Variants in SCAPER observed in about 807,000 individuals in gnomAD.
The protein encoded by SCAPER is S-phase cyclin A associated protein in the ER, also known as S phase cyclin A-associated protein in the endoplasmic reticulum.
SCAPER carries 98 observed loss-of-function variants against 182.2 expected under a neutral mutation model. The observed-to-expected ratio is 0.54, with a 90% CI of 0.46 to 0.64. The LOEUF (loss-of-function observed/expected upper bound fraction) is 0.64, where lower values mean the gene tolerates loss of function less well. Ranked by LOEUF, SCAPER falls within the 30% of genes least tolerant of loss-of-function variation. The probability of loss-of-function intolerance (pLI) is 0.00; values close to 1 mark genes in which losing one functional copy is unlikely to be tolerated. For synonymous variants in SCAPER, 605 were observed against 564.6 expected, an observed-to-expected ratio of 1.07 and a Z score of -1.01; for missense variants, 1,432 against 1,690.0, an observed-to-expected ratio of 0.85 and a Z score of 2.68.
At position 76,489,275 on chromosome 15, in the gene SCAPER, A is replaced by G. The variant is rs116526794; in HGVS notation, c.2954+15584T>C. 8.1e-3 allele frequency among the ~76,000 whole-genome samples: 1,185 copies of G among 146,372 alleles called. 18 individuals carry two copies. Among genetic ancestry groups the G allele is most frequent in the African/African-American group, 0.028 (1,130 of 39,890 alleles). ...ATTACTTTTGCACCAACCTAATATT[A>G]TTTTTGCTCTTTTGCTATGTAATTT... On this transcript the variant is annotated intron_variant, in intron 24 of 31. Transcript: ENST00000563290.
chr15:76,799,057 C>CA (rs774710619), intron 7 of SCAPER, among the ~76,000 whole-genome samples: 52 of 151,882 alleles, frequency 3.4e-4, no homozygotes, highest in Non-Finnish European at 6.5e-4. Context: ...GAGACAATGG[C>CA]AAAAAACAGT....
chr15:76,356,709 C>T (rs1355795102), intron 29 of SCAPER, among the ~76,000 whole-genome samples: 1 of 152,208 alleles, frequency 6.6e-6, no homozygotes, highest in African/African-American at 2.4e-5. Context: ...CCACCTGCCT[C>T]ATCTTTCAGA....
chr15:76,413,822 T>G (rs2045469837), intron 26 of SCAPER, among the ~76,000 whole-genome samples: 1 of 152,160 alleles, frequency 6.6e-6, no homozygotes, highest in East Asian at 1.9e-4. Context: ...TAAGAAAAAC[T>G]GATGAGAACA....
chr15:76,650,927 T>C (rs2054981864), intron 21 of SCAPER, among the ~76,000 whole-genome samples: 1 of 151,928 alleles, frequency 6.6e-6, no homozygotes, highest in Non-Finnish European at 1.5e-5. Flanking sequence ...AATCAATAGG[T>C]CAAAGAAATT....
intron 20 of SCAPER, among the ~76,000 whole-genome samples, chr15:76,684,679 A>T (rs1243803123): frequency 6.6e-6 from 1 of 151,936 alleles, no homozygotes; most frequent in Non-Finnish European, 1.5e-5. Flanking sequence ...AACAGTATAA[A>T]AATAAATTTC....
chr15:76,879,232 T>C (rs2073378525), intron 2 of SCAPER, among the ~76,000 whole-genome samples: 1 of 152,216 alleles, frequency 6.6e-6, no homozygotes, highest in Non-Finnish European at 1.5e-5. Context: ...CCTGCCCCTC[T>C]ATAATGCACA....
intron 25 of SCAPER, among the ~76,000 whole-genome samples, chr15:76,443,151 C>T (rs1054792050): frequency 1.5e-4 from 23 of 152,172 alleles, no homozygotes; most frequent in African/African-American, 5.5e-4. Context: ...TTATCTAGTT[C>T]ATCCTCCCAA....
intron 1 of SCAPER, among the ~76,000 whole-genome samples, chr15:76,896,912 C>A (rs2074465494): frequency 6.6e-6 from 1 of 152,166 alleles, no homozygotes; most frequent in Non-Finnish European, 1.5e-5. Context: ...TTCTACTGCA[C>A]TCCAGCCTGG....
At chr15:76,573,257 T>C (rs1166819893) in intron 23 of SCAPER, among the ~76,000 whole-genome samples, 1 of 152,184 alleles carries the variant, frequency 6.6e-6, no homozygotes, top group East Asian at 1.9e-4. Flanking sequence ...TAAGAAAGGA[T>C]CATATTGGGA....
chr15:76,807,538 C>CT (rs922584100), intron 5 of SCAPER, among the ~76,000 whole-genome samples: 27 of 151,394 alleles, frequency 1.8e-4, no homozygotes, highest in Middle Eastern at 3.4e-3. Context: ...TTATTTTTTA[C>CT]TTTTTTTATT....
chr15:76,351,068 G>T, intron 31 of SCAPER, 169 bp downstream of exon 31: 1 of 530,562 alleles, frequency 1.9e-6, no homozygotes, highest in Non-Finnish European at 3.3e-6. Context: ...CATGCTTCAT[G>T]ACAAAATCGA....
chr15:76,607,392 C>A (rs548861886), intron 22 of SCAPER, among the ~76,000 whole-genome samples: 3 of 152,196 alleles, frequency 2.0e-5, no homozygotes, highest in African/African-American at 4.8e-5. Context: ...ATCAGCTGTT[C>A]ATCTGATGGG....
At chr15:76,671,338 T>C (rs1050348491) in intron 20 of SCAPER, among the ~76,000 whole-genome samples, 22 of 151,828 alleles carry the variant, frequency 1.4e-4, no homozygotes, top group Admixed American at 2.0e-4. Context: ...AAAAGAAAAT[T>C]CTGAGAAGAT....
intron 2 of SCAPER, among the ~76,000 whole-genome samples, chr15:76,879,292 T>C (rs2067758883): frequency 6.6e-6 from 1 of 152,188 alleles, no homozygotes; most frequent in African/African-American, 2.4e-5. Flanking sequence ...CCTTTCCTAA[T>C]AGTTCAATTT....
chr15:76,683,237 C>T (rs938478727), intron 20 of SCAPER, among the ~76,000 whole-genome samples: 1 of 152,058 alleles, frequency 6.6e-6, no homozygotes, highest in African/African-American at 2.4e-5. Context: ...CTGAAAAACT[C>T]ACTTCGAGAA....
At chr15:76,900,074 C>T (rs1266600538) in intron 1 of SCAPER, among the ~76,000 whole-genome samples, 8 of 152,146 alleles carry the variant, frequency 5.3e-5, no homozygotes, top group Non-Finnish European at 1.2e-4. Flanking sequence ...TGTGCTGTGT[C>T]AACTCAGGGT....
At chr15:76,479,829 G>A (rs186395532) in intron 24 of SCAPER, among the ~76,000 whole-genome samples, 13 of 152,268 alleles carry the variant, frequency 8.5e-5, no homozygotes, top group African/African-American at 2.6e-4. Flanking sequence ...TGTCAAGAGA[G>A]CAACCATTTT....
intron 23 of SCAPER, among the ~76,000 whole-genome samples, chr15:76,516,855 A>C (rs999322969): frequency 1.3e-5 from 2 of 152,198 alleles, no homozygotes; most frequent in African/African-American, 2.4e-5. Context: ...TTATCAAATT[A>C]CCATCTTGGA....
chr15:76,765,352 G>C lies in SCAPER; in HGVS notation c.1598C>G (p.Ser533Ter). ...AATGCCAGACCTTTTACGAGAGGGT[G>C]AAGAAAGTTTTTCATGCATGTGAAT... ...HGIHMHEKLSSPSRKRTIAES... is the reference protein window; with the variant it reads ...HGIHMHEKLS The change falls in exon 13 of 32, where the codon TCA becomes TGA. Residue 533 changes from serine to a stop codon, truncating the protein, a stop_gained. Coordinates refer to ENST00000563290, the MANE Select transcript of SCAPER (RefSeq NM_020843.4). LOFTEE classifies it high-confidence loss of function. 1.9e-6 allele frequency: 3 copies of C among 1,612,680 alleles called. No individual in the cohort carries two copies. Among genetic ancestry groups the C allele is most frequent in the Non-Finnish European group, 2.5e-6 (3 of 1,179,104 alleles).
Sources: gnomAD v4.1 joint callset for allele counts (sites outside exome capture counted in the v4.1 genomes callset) on GRCh38, gnomAD v4.1.1 for gene constraint, MANE v1.5 for transcripts, NCBI Gene and HGNC (gene_info 2026-07-23, HGNC 2026-07-21) for gene names.